The following IFI44 variants were observed in gnomAD, a reference collection of about 807,000 sequenced individuals.
IFI44 encodes the protein interferon induced protein 44.
In IFI44, 42 loss-of-function variants were observed where a neutral mutation model predicts 45.0. The observed-to-expected ratio is 0.93, with a 90% confidence interval of 0.73 to 1.21. IFI44 has a LOEUF of 1.21. Among genes scored for constraint, IFI44 ranks in the 50% most tolerant of loss-of-function variants. IFI44 has a pLI of 0.00. For missense variants in IFI44, 623 were observed against 525.8 expected (o/e 1.18, Z -1.81); for synonymous variants, 221 against 188.6 (o/e 1.17, Z -1.41).
At chr1:78,658,982 C>T (rs1379300788) in intron 5 of IFI44, among the ~76,000 whole-genome samples, 3 of 151,852 alleles carry the variant, frequency 2.0e-5, no homozygotes, top group African/African-American at 7.3e-5. Context: ...GCTTTTTTTT[C>T]TGAATGCTCT....
chr1:78,660,792 C>A (rs1376283559), intron 7 of IFI44, 138 bp downstream of exon 7: 2 of 693,370 alleles, frequency 2.9e-6, no homozygotes, highest in East Asian at 5.6e-5. Flanking sequence ...GCCCGTTTCC[C>A]AAGATTTAAA....
At chr1:78,654,168 AC>A in intron 2 of IFI44, 74 bp from the exon 3 acceptor site, 1 of 828,654 alleles carries the variant, frequency 1.2e-6, no homozygotes, top group Non-Finnish European at 2.1e-6. Context: ...TAGTGAATTC[AC>A]TGATATTCAT....
rs367625348 is a variant in IFI44, at chr1:78,650,293, A to G, written c.98A>G (p.His33Arg). Residue 33 changes from histidine to arginine, a missense_variant, in exon 2 of 9, where the codon CAT becomes CGT. By Grantham distance (29) the His-to-Arg change is conservative. Transcript: ENST00000370747. The part of the protein sequence containing the change: ...RLSLLYKGSV[H>R]GFRNGVLLDR... Reference sequence around the variant, plus strand: ...AGCCTTCTCTATAAGGGTAGTGTCCATGGATTCCGTAATGGAGTTTTGCTT... The same window carrying G: ...AGCCTTCTCTATAAGGGTAGTGTCCGTGGATTCCGTAATGGAGTTTTGCTT... 9 of 1,614,118 alleles carry G rather than the reference A, an allele frequency of 5.6e-6. No individual in the cohort carries two copies. Among genetic ancestry groups the G allele is most frequent in the South Asian group, 5.5e-5 (5 of 91,078 alleles).
intron 7 of IFI44, among the ~76,000 whole-genome samples, chr1:78,661,383 G>A (rs1647442388): frequency 6.6e-6 from 1 of 151,440 alleles, no homozygotes; most frequent in African/African-American, 2.4e-5. Context: ...AATTTTTTTT[G>A]AGCCTTAGTT....
chr1:78,654,218 C>A lies in IFI44; in HGVS notation c.458-25C>A, dbSNP rs752643385. ...CAATTATTCGACAACTTCTAATCTACATTATTCTTTGATTATTTCCCCAGA... is the reference window on the plus strand; with the variant it reads ...CAATTATTCGACAACTTCTAATCTAAATTATTCTTTGATTATTTCCCCAGA... On this transcript the variant is annotated intron_variant, in intron 2 of 8. Coordinates refer to ENST00000370747, the MANE Select transcript of IFI44 (RefSeq NM_006417.5). 5.3e-6 allele frequency: 7 copies of A among 1,312,906 alleles called. No individual in the cohort carries two copies. In the East Asian group the frequency reaches 1.6e-4, roughly 30 times the overall value. 81.3% of individuals were successfully genotyped at this position (1,312,906 alleles called of 1,614,324 possible).
At chr1:78,655,269 A>T in intron 4 of IFI44, 60 bp downstream of exon 4, 1 of 1,571,308 alleles carries the variant, frequency 6.4e-7, no homozygotes, top group Middle Eastern at 1.7e-4. Flanking sequence ...TATATTTCAA[A>T]AGCCTTTTGC....
rs1470864088 is a variant in IFI44, at chr1:78,659,436, A to G, written c.965A>G (p.Gln322Arg). The G allele has an allele frequency of 1.2e-6, 2 of 1,613,468 alleles. No homozygotes were observed. The highest frequency in any genetic ancestry group is 1.3e-5 in the African/African-American group (1 of 74,920). Residue 322 changes from glutamine to arginine, a missense_variant, in exon 6 of 9, where the codon CAG (glutamine) becomes CGG (arginine). Coordinates refer to ENST00000370747, the MANE Select transcript of IFI44 (RefSeq NM_006417.5). ...AGCTCTATTCAATACTTCTCCTCTC[A>G]GATGATAGTAAAGATCAAAAGAATT... ...DASSIQYFSS[Q>R]MIVKIKRIRR...
At chr1:78,660,281 T>C in intron 6 of IFI44, among the ~76,000 whole-genome samples, 1 of 152,146 alleles carries the variant, frequency 6.6e-6, no homozygotes, top group East Asian at 1.9e-4. Context: ...TATTGCAGCA[T>C]AAATTTTAGT....
At chr1:78,655,771 A>T (rs1647197779) in intron 5 of IFI44, among the ~76,000 whole-genome samples, 1 of 152,082 alleles carries the variant, frequency 6.6e-6, no homozygotes, top group Non-Finnish European at 1.5e-5. Flanking sequence ...AATTTTTCTT[A>T]TGTAAGAGGA....
intron 5 of IFI44, among the ~76,000 whole-genome samples, chr1:78,658,483 A>G (rs1647282782): frequency 1.3e-5 from 2 of 152,182 alleles, no homozygotes; most frequent in Admixed American, 1.3e-4. Flanking sequence ...TTCTTGTATT[A>G]TAACCATAAC....
chr1:78,654,880 T>C (rs1378574760), intron 3 of IFI44, 134 bp from the exon 4 acceptor site: 1 of 649,692 alleles, frequency 1.5e-6, no homozygotes, highest in Admixed American at 3.6e-5. Flanking sequence ...TAGGTTCGTC[T>C]CATGTCTTTC....
intron 3 of IFI44, 130 bp downstream of exon 3, chr1:78,654,409 AT>A: frequency 1.9e-6 from 1 of 538,216 alleles, no homozygotes; most frequent in Non-Finnish European, 3.3e-6. Flanking sequence ...AACAAACTGT[AT>A]TTATAATCAT....
chr1:78,653,974 A>G (rs1001614105), intron 2 of IFI44, among the ~76,000 whole-genome samples: 4 of 152,174 alleles, frequency 2.6e-5, no homozygotes, highest in African/African-American at 9.7e-5. Context: ...TAAGTTACAC[A>G]CTACTGTTGA....
At chr1:78,656,210 C>G (rs981353927) in intron 5 of IFI44, among the ~76,000 whole-genome samples, 1 of 152,150 alleles carries the variant, frequency 6.6e-6, no homozygotes, top group Non-Finnish European at 1.5e-5. Context: ...AGCAGCCCCA[C>G]CTGACTGAGA....
chr1:78,662,745 C>T lies in IFI44; in HGVS notation c.1155C>T (p.Asp385=). ...GAAAACTTGGATTTGCTCTTTCTGA[C>T]ATCTCGGTGGTTAGCAATTATTCCT... ...VQRKLGFALS[D]ISVVSNYSSE... Residue 385 remains aspartate, a synonymous_variant, in exon 8 of 9, where the codon GAC becomes GAT. Coordinates refer to ENST00000370747, the MANE Select transcript of IFI44 (RefSeq NM_006417.5). 2 of 1,613,814 alleles carry T rather than the reference C, an allele frequency of 1.2e-6. No individual in the cohort carries two copies. The highest frequency in any genetic ancestry group is 1.7e-6 in the Non-Finnish European group (2 of 1,179,876).
intron 5 of IFI44, among the ~76,000 whole-genome samples, chr1:78,658,292 C>A (rs752429414): frequency 7.9e-5 from 12 of 152,004 alleles, no homozygotes; most frequent in Non-Finnish European, 1.2e-4. Context: ...AGTATAAAAG[C>A]TCTATCAGTA....
chr1:78,656,825 A>G (rs1647221518), intron 5 of IFI44, among the ~76,000 whole-genome samples: 1 of 150,606 alleles, frequency 6.6e-6, no homozygotes, highest in East Asian at 1.9e-4. Flanking sequence ...AGATTTTTTC[A>G]TTCTTTAGTA....
At position 78,655,268 on chromosome 1, in the gene IFI44, A is replaced by G. The variant is rs1570392554; in HGVS notation, c.690+59A>G. ...CTCTGTTCAAATCAATTATATTTCA[A>G]AAGCCTTTTGCAGATCAACTTTATT... is the stretch of plus-strand genomic sequence containing the variant. On this transcript the variant is annotated intron_variant, in intron 4 of 8. Coordinates refer to ENST00000370747, the MANE Select transcript of IFI44 (RefSeq NM_006417.5). 1.7e-5 allele frequency: 26 copies of G among 1,570,624 alleles called. 1 individual carries two copies. In the South Asian group the frequency reaches 2.9e-4, roughly 18 times the overall value.
Position 78,663,998 on chromosome 1 carries a change from T to G in IFI44, c.*187T>G, listed in dbSNP as rs1370251517. On this transcript the variant is annotated 3_prime_UTR_variant, in exon 9 of 9. Transcript: ENST00000370747. ...AGAAATAACATGATTTAGTCATAAT[T>G]GTGAAAAATAATAATAATTTTTCTT... 4.7e-6 allele frequency: 2 copies of G among 421,110 alleles called. No individual in the cohort carries two copies. Among genetic ancestry groups the G allele is most frequent in the East Asian group, 7.3e-5 (2 of 27,452 alleles). 26.1% of individuals were successfully genotyped at this position (421,110 alleles called of 1,614,324 possible).
Sources: allele counts gnomAD v4.1 joint callset (sites outside exome capture counted in the v4.1 genomes callset), GRCh38; gene constraint gnomAD v4.1.1; transcripts MANE v1.5; gene names NCBI Gene and HGNC (gene_info 2026-07-23, HGNC 2026-07-21).